The following ERC1 variants were observed in gnomAD, a reference collection of about 807,000 sequenced individuals.
ERC1 encodes the protein RAB6 interacting protein 2.
In ERC1, 56 loss-of-function variants were observed where a neutral mutation model predicts 132.0. The ratio of observed to expected loss-of-function variants is 0.42; its 90% CI spans 0.34 to 0.53. ERC1 has a LOEUF of 0.53. Among genes scored for constraint, ERC1 ranks in the 20% least tolerant of loss-of-function variants. The pLI, the probability that ERC1 is intolerant of heterozygous loss-of-function variation, is 0.03. For missense variants in ERC1, 1,202 were observed against 1,349.9 expected (o/e 0.89, Z 1.72); for synonymous variants, 478 against 476.1 (o/e 1.00, Z -0.05).
intron 8 of ERC1, among the ~76,000 whole-genome samples, chr12:1,147,751 T>C (rs1165571898): frequency 6.6e-6 from 1 of 152,184 alleles, no homozygotes; most frequent in African/African-American, 2.4e-5. Context: ...GTGATTTAAT[T>C]ATTTGATTTC....
At chr12:1,400,918 T>TATTA (rs760878099) in intron 16 of ERC1, among the ~76,000 whole-genome samples, 740 of 27,572 alleles carry the variant, frequency 0.027, 7 homozygotes, top group South Asian at 0.055. Flanking sequence ...ATTTTTGTAT[T>TATTA]TTTTTTTTTT....
At chr12:1,151,823 A>G (rs537554436) in intron 8 of ERC1, 2 of 152,386 alleles carry the variant, frequency 1.3e-5, no homozygotes, top group East Asian at 3.9e-4. Flanking sequence ...GCTTTCCGCA[A>G]AAAAGACAAC....
intron 15 of ERC1, among the ~76,000 whole-genome samples, chr12:1,292,933 T>C (rs1594809474): frequency 6.6e-6 from 1 of 151,694 alleles, no homozygotes; most frequent in South Asian, 2.1e-4. Context: ...GATCACAAGG[T>C]CAGGAGTTTG....
rs1565725973 is a variant in ERC1, at chr12:991,280, T to TAGTG, written c.-199_-198insAGTG. 3 of 163,970 alleles carry TAGTG rather than the reference T, an allele frequency of 1.8e-5. No individual in the cohort carries two copies. The highest frequency in any genetic ancestry group is 6.7e-5 in the Admixed American group (1 of 15,012). 10.2% of individuals were successfully genotyped at this position (163,970 alleles called of 1,614,324 possible). A position where few individuals can be genotyped will look rare whatever the true frequency, so the allele number is the denominator to read the frequency against. On this transcript the variant is annotated 5_prime_UTR_variant, in exon 1 of 19. Transcript: ENST00000360905. ...GCGGCGGTAGTGGCGGCGGCGGCGGTGCCTGGGCGGCAGCAGCAGCAGTAG... is the reference window on the plus strand; with the variant it reads ...GCGGCGGTAGTGGCGGCGGCGGCGGTAGTGGCCTGGGCGGCAGCAGCAGCAGTAG...
chr12:1,160,920 C>G (rs971558464), intron 8 of ERC1, among the ~76,000 whole-genome samples: 1 of 152,164 alleles, frequency 6.6e-6, no homozygotes, highest in African/African-American at 2.4e-5. Flanking sequence ...ATGATGATAC[C>G]TTGATAGTGA....
chr12:1,115,091 A>C (rs566746095), intron 6 of ERC1, among the ~76,000 whole-genome samples: 4 of 152,322 alleles, frequency 2.6e-5, no homozygotes, highest in Non-Finnish European at 4.4e-5. Context: ...AATAATTAGT[A>C]TCTTTTTTAG....
chr12:995,180 C>A (rs1400805196), intron 1 of ERC1, among the ~76,000 whole-genome samples: 1 of 151,976 alleles, frequency 6.6e-6, no homozygotes, highest in East Asian at 1.9e-4. Flanking sequence ...TCACTTGAAC[C>A]TAGGGGTTCG....
chr12:992,471 T>C (rs1288604674), intron 1 of ERC1, among the ~76,000 whole-genome samples: 1 of 152,270 alleles, frequency 6.6e-6, no homozygotes, highest in Non-Finnish European at 1.5e-5. Context: ...TTGTTGAAAT[T>C]TTATTTCTCA....
chr12:1,058,268 T>C (rs887397774), intron 2 of ERC1, among the ~76,000 whole-genome samples: 4 of 152,204 alleles, frequency 2.6e-5, no homozygotes, highest in African/African-American at 4.8e-5. Context: ...CCTAGACCAG[T>C]GTCCTCAAGT....
At chr12:1,105,874 G>A (rs1358655464) in intron 4 of ERC1, among the ~76,000 whole-genome samples, 1 of 152,128 alleles carries the variant, frequency 6.6e-6, no homozygotes, top group East Asian at 1.9e-4. Context: ...TATCTTTAGT[G>A]CAGACAGTGG....
intron 7 of ERC1, among the ~76,000 whole-genome samples, chr12:1,122,573 CT>C (rs1566021433): frequency 0.019 from 402 of 21,088 alleles, 54 homozygotes; most frequent in Non-Finnish European, 0.032. Context: ...CTATCTGTGT[CT>C]CTATCTCTAT....
chr12:1,353,991 C>G (rs1297202860), intron 15 of ERC1, among the ~76,000 whole-genome samples: 1 of 151,102 alleles, frequency 6.6e-6, no homozygotes, highest in Non-Finnish European at 1.5e-5. Flanking sequence ...TTTCTTTTTC[C>G]TCTAAGACCA....
chr12:1,377,252 C>T (rs1250183543), intron 16 of ERC1, among the ~76,000 whole-genome samples: 1 of 152,202 alleles, frequency 6.6e-6, no homozygotes, highest in Non-Finnish European at 1.5e-5. Context: ...TTTTCAGTCT[C>T]TCTTGTGGCA....
At chr12:1,255,881 C>T (rs1336736696) in intron 13 of ERC1, among the ~76,000 whole-genome samples, 6 of 151,642 alleles carry the variant, frequency 4.0e-5, no homozygotes, top group African/African-American at 7.3e-5. Context: ...CCTCGTGATC[C>T]GCCCACCTCA....
At chr12:1,156,041 T>C (rs977691580) in intron 8 of ERC1, among the ~76,000 whole-genome samples, 1 of 152,104 alleles carries the variant, frequency 6.6e-6, no homozygotes, top group Admixed American at 6.5e-5. Flanking sequence ...TTATGTGTTA[T>C]ATACCTTTTA....
At chr12:1,418,669 T>C (rs991020185) in intron 17 of ERC1, among the ~76,000 whole-genome samples, 8 of 24,710 alleles carry the variant, frequency 3.2e-4, no homozygotes, top group South Asian at 1.8e-3. Context: ...CTCTTTCTTT[T>C]CTTTCTTTCT....
intron 3 of ERC1, among the ~76,000 whole-genome samples, chr12:1,090,866 GTTATTATTA>G (rs746269720): frequency 0.059 from 1,563 of 26,602 alleles, 565 homozygotes; most frequent in African/African-American, 0.14. Context: ...TGTTGTTGTT[GTTATTATTA>G]TTATTATTAT....
rs185063200 is a variant in ERC1 at position 1,073,695 on chromosome 12, G to A, written c.670-9469G>A. ...TAAAAACAGCTAACAACAAAAACCC[G>A]TAACATAGTCATTTATTATCATTAT... On this transcript the variant is annotated intron_variant, in intron 2 of 18. Transcript: ENST00000360905. Among the ~76,000 whole-genome samples the A allele has an allele frequency of 4.4e-3, 677 of 152,146 alleles. 2 individuals are homozygous for A. The highest frequency in any genetic ancestry group is 7.8e-3 in the Non-Finnish European group (531 of 67,976).
At chr12:1,374,824 ATT>A (rs5795968) in intron 16 of ERC1, among the ~76,000 whole-genome samples, 33,306 of 123,748 alleles carry the variant, frequency 0.27, 2,058 homozygotes, top group Middle Eastern at 0.3. Context: ...ACAGGCTGGG[ATT>A]TTTTTTTTTT....
Sources: allele counts gnomAD v4.1 joint callset (sites outside exome capture counted in the v4.1 genomes callset), GRCh38; gene constraint gnomAD v4.1.1; transcripts MANE v1.5; gene names NCBI Gene and HGNC (gene_info 2026-07-23, HGNC 2026-07-21).